CDH18: variants seen among roughly 807,000 people sequenced by gnomAD.
CDH18 encodes cadherin-18.
CDH18 carries 31 observed loss-of-function variants against 67.9 expected under a neutral mutation model. That is an observed-to-expected ratio of 0.46 (90% CI 0.34 to 0.62). The LOEUF is 0.62. CDH18 is among the 20% of genes least tolerant of loss of function. The probability of loss-of-function intolerance (pLI) is 0.01; values close to 1 mark genes in which losing one functional copy is unlikely to be tolerated. For missense variants in CDH18, 890 were observed against 975.5 expected, an observed-to-expected ratio of 0.91 and a Z score of 1.17; for synonymous variants, 362 against 347.2, an observed-to-expected ratio of 1.04 and a Z score of -0.48.
chr5:19,715,509 C>T (rs1388440147), intron 5 of CDH18, among the ~76,000 whole-genome samples: 3 of 152,008 alleles, frequency 2.0e-5, no homozygotes, highest in Non-Finnish European at 4.4e-5. Flanking sequence ...CTGTCAATTC[C>T]GAAGATAAAA....
intron 1 of CDH18, among the ~76,000 whole-genome samples, chr5:20,312,974 A>G (rs1382726023): frequency 6.6e-6 from 1 of 152,102 alleles, no homozygotes; most frequent in Non-Finnish European, 1.5e-5. Flanking sequence ...CTAGAACAAT[A>G]TTTAAATAGC....
At chr5:19,737,050 G>C (rs1436842164) in intron 4 of CDH18, among the ~76,000 whole-genome samples, 1 of 152,192 alleles carries the variant, frequency 6.6e-6, no homozygotes, top group Non-Finnish European at 1.5e-5. Flanking sequence ...CAGAAGTCTG[G>C]TAGAAAGCAG....
At position 20,242,631 on chromosome 5, in the gene CDH18, T is replaced by TATATAC. The variant is rs1264567583; in HGVS notation, c.-518+12812_-518+12813insGTATAT. Among the ~76,000 whole-genome samples the TATATAC allele has an allele frequency of 3.8e-3, 349 of 91,010 alleles. 7 individuals carry two copies. Among genetic ancestry groups the TATATAC allele is most frequent in the Admixed American group, 6.1e-3 (53 of 8,744 alleles). 59.7% of individuals were successfully genotyped at this position (91,010 alleles called of 152,430 possible). On this transcript the variant is annotated intron_variant, in intron 2 of 14. Transcript: ENST00000507958. ...AAAAAAATATATATATATATATATA[T>TATATAC]ATGTATATATATATATATATGTAAA...
intron 1 of CDH18, among the ~76,000 whole-genome samples, chr5:20,358,005 A>T (rs570833149): frequency 6.6e-6 from 1 of 152,206 alleles, no homozygotes; most frequent in Non-Finnish European, 1.5e-5. Context: ...AGCAACATGG[A>T]TGCAGCTGGA....
At chr5:19,741,010 T>G (rs1488479118) in intron 4 of CDH18, among the ~76,000 whole-genome samples, 1 of 151,980 alleles carries the variant, frequency 6.6e-6, no homozygotes, top group African/African-American at 2.4e-5. Context: ...TAATCCAGGT[T>G]ACATTTGCCC....
Position 19,482,942 on chromosome 5 carries a change from G to A in CDH18, c.1882+359C>T, listed in dbSNP as rs773412341. Among the ~76,000 whole-genome samples, 57 of 152,010 alleles carry A rather than the reference G, an allele frequency of 3.7e-4. 1 individual carries two copies. Among genetic ancestry groups the A allele is most frequent in the Admixed American group, 3.3e-3 (51 of 15,252 alleles). Reference sequence around the variant, plus strand: ...CCTCCTCTGATCTCAGAAGCTAAGCGGGCTGGGGTCTTGGTCAGATTCATT... The same window carrying A: ...CCTCCTCTGATCTCAGAAGCTAAGCAGGCTGGGGTCTTGGTCAGATTCATT... On this transcript the variant is annotated intron_variant, in intron 12 of 12. Coordinates refer to ENST00000382275, the MANE Select transcript of CDH18 (RefSeq NM_004934.5).
chr5:19,473,427 G>T lies in CDH18; in HGVS notation c.2172C>A (p.Asp724Glu). 1 of 1,613,818 alleles carries T rather than the reference G, an allele frequency of 6.2e-7. No individual in the cohort carries two copies. Among genetic ancestry groups the T allele is most frequent in the African/African-American group, 1.3e-5 (1 of 74,976 alleles). ...CATAAGGGGGAACGCTAGGGTCTAG[G>T]TCTGCTTCTGCCAGTCTTTGCTTAA... ...EFIKQRLAEADLDPSVPPYDS... is the reference protein window; with the variant it reads ...EFIKQRLAEAELDPSVPPYDS... The change falls in exon 13 of 13, where the codon GAC (aspartate) becomes GAA (glutamate). Residue 724 changes from aspartate to glutamate, a missense_variant. By Grantham distance (45) the Asp-to-Glu change is conservative (BLOSUM62 2). This residue lies in a region of CDH18 where 656 missense variants were observed against 668.1 expected (regional missense o/e 0.98). Transcript: ENST00000382275.
chr5:19,907,563 T>C (rs1356867691), intron 2 of CDH18, among the ~76,000 whole-genome samples: 4 of 152,006 alleles, frequency 2.6e-5, no homozygotes, highest in Non-Finnish European at 4.4e-5. Context: ...ATTCAAACAG[T>C]TGATTTTGAA....
chr5:19,490,400 T>TTTTTTTTTG (rs1741241367), intron 11 of CDH18, among the ~76,000 whole-genome samples: 1 of 66,544 alleles, frequency 1.5e-5, no homozygotes, highest in African/African-American at 5.5e-5. Flanking sequence ...ATCTGTTTTT[T>TTTTTTTTTG]TTTTTTTTTT....
chr5:20,429,901 A>C (rs966849944), intron 1 of CDH18, among the ~76,000 whole-genome samples: 8 of 152,200 alleles, frequency 5.3e-5, no homozygotes, highest in African/African-American at 1.7e-4. Context: ...AAAGTAATTT[A>C]ATAACAATAA....
At chr5:19,571,950 T>G (rs1030563473) in intron 7 of CDH18, 118 bp from the exon 8 acceptor site, 18 of 762,044 alleles carry the variant, frequency 2.4e-5, no homozygotes, top group Admixed American at 5.7e-5. Context: ...GAGAGAGAGA[T>G]AAGTCATTCT....
At position 19,913,131 on chromosome 5, in the gene CDH18, T is replaced by A. The variant is rs571115108; in HGVS notation, c.-257+67929A>T. ...AAAGCAAAAATTGACATCTTGAGTGTGTACACTAGATACTTTTATGTTTTA... is the reference window on the plus strand; with the variant it reads ...AAAGCAAAAATTGACATCTTGAGTGAGTACACTAGATACTTTTATGTTTTA... On this transcript the variant is annotated intron_variant, in intron 2 of 12. Transcript: ENST00000382275. Among the ~76,000 whole-genome samples, 20 of 152,272 alleles carry A rather than the reference T, an allele frequency of 1.3e-4. No individual in the cohort carries two copies. In the East Asian group the frequency reaches 1.4e-3, roughly 10 times the overall value.
chr5:19,838,395 G>A (rs1463082225), intron 3 of CDH18, among the ~76,000 whole-genome samples: 3 of 152,018 alleles, frequency 2.0e-5, no homozygotes, highest in Non-Finnish European at 2.9e-5. Context: ...GTCAGTGTGC[G>A]AATAAGTGAC....
Position 20,018,768 on chromosome 5 carries a change from C to A in CDH18, c.-517-26754G>T, listed in dbSNP as rs1008515072. ...AGTTGTGGTACTTTAAATACAAAAC[C>A]CTTAAGAGAGTTCTCTGAGAATAAG... On this transcript the variant is annotated intron_variant, in intron 2 of 14. Transcript: ENST00000507958. Among the ~76,000 whole-genome samples the A allele has an allele frequency of 2.0e-5, 3 of 151,676 alleles. No individual in the cohort carries two copies. The South Asian group carries it at 6.2e-4, about 32-fold the overall frequency.
intron 6 of CDH18, among the ~76,000 whole-genome samples, chr5:19,593,744 C>G (rs954074666): frequency 3.4e-5 from 4 of 116,230 alleles, no homozygotes; most frequent in East Asian, 2.8e-4. Context: ...TCTTCTTCTT[C>G]TTCTTCTTCT....
chr5:20,047,074 AAG>A (rs1491290438), intron 2 of CDH18, among the ~76,000 whole-genome samples: 1 of 151,606 alleles, frequency 6.6e-6, no homozygotes, highest in Non-Finnish European at 1.5e-5. Flanking sequence ...GTTTGGAAAC[AAG>A]AGAGAGTATA....
At chr5:20,420,147 A>T (rs1747748598) in intron 1 of CDH18, among the ~76,000 whole-genome samples, 1 of 151,114 alleles carries the variant, frequency 6.6e-6, no homozygotes. Context: ...GAACAGTGGT[A>T]AGACGCGATA....
intron 1 of CDH18, among the ~76,000 whole-genome samples, chr5:20,486,440 C>T (rs1167068066): frequency 6.6e-6 from 1 of 151,790 alleles, no homozygotes; most frequent in African/African-American, 2.4e-5. Context: ...TATCTTGTTT[C>T]TCTTATTTCA....
At chr5:19,592,102 A>C (rs547546370) in intron 6 of CDH18, among the ~76,000 whole-genome samples, 2 of 152,026 alleles carry the variant, frequency 1.3e-5, no homozygotes, top group Non-Finnish European at 2.9e-5. Flanking sequence ...TCAATATACA[A>C]TTGTAATTAC....
Sources: gnomAD v4.1 joint callset for allele counts (sites outside exome capture counted in the v4.1 genomes callset) on GRCh38, gnomAD v4.1.1 for gene constraint, gnomAD v4.1.1 regional missense constraint, MANE v1.5 for transcripts, NCBI Gene and HGNC (gene_info 2026-07-23, HGNC 2026-07-21) for gene names.